The following MTRF1 variants were observed in gnomAD, a reference collection of about 807,000 sequenced individuals.
MTRF1 encodes the protein mitochondrial translation release factor 1.
In MTRF1, 51 loss-of-function variants were observed where a neutral mutation model predicts 62.9. The observed-to-expected ratio is 0.81, with a 90% CI of 0.65 to 1.02. The LOEUF (loss-of-function observed/expected upper bound fraction) is 1.02. MTRF1 is among the 50% of genes least tolerant of loss of function. The probability of loss-of-function intolerance (pLI) is 0.00; values close to 1 mark genes in which losing one functional copy is unlikely to be tolerated. For synonymous variants in MTRF1, 158 were observed against 181.9 expected, an observed-to-expected ratio of 0.87 and a Z score of 1.06; for missense variants, 446 against 530.0, an observed-to-expected ratio of 0.84 and a Z score of 1.56.
rs776584971 is a variant in MTRF1 at position 41,240,362 on chromosome 13, TCC to T, written c.767_768del (p.Gly256AspfsTer34). The T allele has an allele frequency of 1.2e-6, 2 of 1,613,758 alleles. No homozygotes were observed. Among genetic ancestry groups the T allele is most frequent in the African/African-American group, 2.7e-5 (2 of 74,898 alleles). On this transcript the variant is annotated frameshift_variant, in exon 6 of 10. Coordinates refer to ENST00000379480, the MANE Select transcript of MTRF1 (RefSeq NM_004294.4). LOFTEE classifies it high-confidence loss of function. ...GVYKHLKYEG[G>X]IHRVQRIPEV... is the part of the protein sequence containing the mutation. ...TCGGGGATGCGCTGAACTCGGTGAA[TCC>T]CACCCTCATACTTCAAATGCTTATA...
intron 7 of MTRF1, among the ~76,000 whole-genome samples, chr13:41,231,878 C>CAAAAAA (rs57305711): frequency 1.9e-5 from 2 of 104,088 alleles, no homozygotes; most frequent in Non-Finnish European, 4.0e-5. Flanking sequence ...TGGTGTCTAC[C>CAAAAAA]AAAAAAAAAA....
chr13:41,310,859 C>T, the MTRF1 span, among the ~76,000 whole-genome samples: 2 of 152,200 alleles, frequency 1.3e-5, no homozygotes, highest in East Asian at 3.8e-4. Context: ...AAAACTCTGA[C>T]TCTTCAGAGT....
At chr13:41,301,154 G>C in the MTRF1 span, among the ~76,000 whole-genome samples, 1 of 152,212 alleles carries the variant, frequency 6.6e-6, no homozygotes, top group Non-Finnish European at 1.5e-5. Flanking sequence ...AGATAGGAGA[G>C]AGGAGTAAAG....
intron 9 of MTRF1, 44 bp from the exon 10 acceptor site, chr13:41,217,272 A>C (rs765954868): frequency 9.0e-7 from 1 of 1,106,312 alleles, no homozygotes; most frequent in Non-Finnish European, 1.3e-6. Flanking sequence ...GATTAGAAAT[A>C]TAAGCAAAGA....
At chr13:41,303,150 A>G in the MTRF1 span, among the ~76,000 whole-genome samples, 4 of 152,108 alleles carry the variant, frequency 2.6e-5, no homozygotes, top group Non-Finnish European at 1.5e-5. Context: ...GCTAACTGCA[A>G]GAGTGGTGTC....
the MTRF1 span, chr13:41,288,145 T>G: frequency 2.3e-5 from 12 of 510,650 alleles, no homozygotes; most frequent in South Asian, 1.6e-4. Context: ...CTTGTCCAGA[T>G]GTATCCCATA....
chr13:41,246,055 T>C (rs2038209473), intron 5 of MTRF1, among the ~76,000 whole-genome samples: 1 of 151,876 alleles, frequency 6.6e-6, no homozygotes, highest in Admixed American at 6.6e-5. Flanking sequence ...AACACTTTAC[T>C]CATTATTGGA....
At chr13:41,297,466 G>C in the MTRF1 span, among the ~76,000 whole-genome samples, 1 of 152,124 alleles carries the variant, frequency 6.6e-6, no homozygotes, top group Non-Finnish European at 1.5e-5. Flanking sequence ...AGTAACTGTA[G>C]ATTTTGCCAG....
At chr13:41,252,575 G>A in intron 5 of MTRF1, 70 bp downstream of exon 5, 1 of 1,213,508 alleles carries the variant, frequency 8.2e-7, no homozygotes, top group Non-Finnish European at 1.2e-6. Flanking sequence ...GGGACAATAT[G>A]GTTCTAATCA....
chr13:41,257,836 A>G (rs2039933631), intron 2 of MTRF1: 1 of 430,878 alleles, frequency 2.3e-6, no homozygotes, highest in African/African-American at 2.0e-5. Context: ...ATAATCATAT[A>G]TCCTACCTCA....
At chr13:41,228,264 G>A (rs930089638) in intron 7 of MTRF1, among the ~76,000 whole-genome samples, 1 of 152,090 alleles carries the variant, frequency 6.6e-6, no homozygotes, top group Non-Finnish European at 1.5e-5. Flanking sequence ...GGGAGGGAAG[G>A]TGTACTGAAT....
the MTRF1 span, among the ~76,000 whole-genome samples, chr13:41,281,187 T>G: frequency 9.9e-5 from 15 of 152,118 alleles, no homozygotes; most frequent in Admixed American, 8.5e-4. Flanking sequence ...TTTCTCTGTT[T>G]TAGACAACCA....
At chr13:41,295,153 T>G in the MTRF1 span, among the ~76,000 whole-genome samples, 1 of 152,212 alleles carries the variant, frequency 6.6e-6, no homozygotes, top group Non-Finnish European at 1.5e-5. Flanking sequence ...CCTTCAATGT[T>G]TTTATCAATT....
At chr13:41,250,972 A>G (rs7987773) in intron 5 of MTRF1, among the ~76,000 whole-genome samples, 96,858 of 152,080 alleles carry the variant, frequency 0.64, 31,107 homozygotes, top group Admixed American at 0.66. Flanking sequence ...ATAATGGGAT[A>G]TAGTGCAGCT....
intron 2 of MTRF1, among the ~76,000 whole-genome samples, chr13:41,255,791 G>A (rs2039633160): frequency 6.6e-6 from 1 of 152,124 alleles, no homozygotes; most frequent in Non-Finnish European, 1.5e-5. Context: ...ATTTCCAAAG[G>A]AGAAAGTTAA....
At chr13:41,311,626 C>T in the MTRF1 span, 1 of 1,572,058 alleles carries the variant, frequency 6.4e-7, no homozygotes, top group African/African-American at 1.4e-5. Flanking sequence ...GTCCCCGGGT[C>T]CTCGGGCCTT....
intron 5 of MTRF1, 135 bp from the exon 6 acceptor site, chr13:41,240,568 G>C: frequency 3.1e-6 from 2 of 642,668 alleles, no homozygotes; most frequent in Non-Finnish European, 4.6e-6. Context: ...GAGAACGAGG[G>C]CCTCTGAAGA....
the MTRF1 span, among the ~76,000 whole-genome samples, chr13:41,294,185 C>G: frequency 6.6e-6 from 1 of 151,852 alleles, no homozygotes; most frequent in East Asian, 1.9e-4. Flanking sequence ...TTTGGGAGGC[C>G]AAGGCAGGCA....
chr13:41,252,036 T>C (rs932093981), intron 5 of MTRF1, among the ~76,000 whole-genome samples: 1 of 152,128 alleles, frequency 6.6e-6, no homozygotes, highest in African/African-American at 2.4e-5. Flanking sequence ...CGTGCCACCA[T>C]GCCCAGTTAA....
Sources: allele counts gnomAD v4.1 joint callset (sites outside exome capture counted in the v4.1 genomes callset), GRCh38; gene constraint gnomAD v4.1.1; transcripts MANE v1.5; gene names NCBI Gene and HGNC (gene_info 2026-07-23, HGNC 2026-07-21).